GALNT13: variants seen among roughly 807,000 people sequenced by gnomAD.
GALNT13 encodes UDP-GalNAc:polypeptide N-acetylgalactosaminyltransferase 13.
Under a neutral mutation model 64.2 loss-of-function variants are expected in GALNT13, and 28 were observed. That is an observed-to-expected ratio of 0.44 (90% CI 0.32 to 0.60). The LOEUF is 0.60. GALNT13 is among the 20% of genes least tolerant of loss of function. The probability of loss-of-function intolerance (pLI) is 0.05; values close to 1 mark genes in which losing one functional copy is unlikely to be tolerated. For synonymous variants in GALNT13, 214 were observed against 224.6 expected, an observed-to-expected ratio of 0.95 and a Z score of 0.42; for missense variants, 577 against 669.8, an observed-to-expected ratio of 0.86 and a Z score of 1.53.
the GALNT13 span, among the ~76,000 whole-genome samples, chr2:153,629,203 CA>C: frequency 7.6e-6 from 1 of 131,500 alleles, no homozygotes. Flanking sequence ...TCCCCTTTAT[CA>C]TTTTTTTTTT....
intron 4 of GALNT13, among the ~76,000 whole-genome samples, chr2:154,190,391 G>A (rs1686509275): frequency 6.6e-6 from 1 of 152,166 alleles, no homozygotes; most frequent in African/African-American, 2.4e-5. Context: ...TAGAATCACA[G>A]CACTATGTGA....
At chr2:153,861,899 T>C in the GALNT13 span, among the ~76,000 whole-genome samples, 32 of 152,170 alleles carry the variant, frequency 2.1e-4, no homozygotes, top group African/African-American at 7.7e-4. Context: ...AATGGATGCC[T>C]AGAGGCCATG....
At chr2:153,409,445 C>A in the GALNT13 span, among the ~76,000 whole-genome samples, 2 of 150,164 alleles carry the variant, frequency 1.3e-5, no homozygotes, top group African/African-American at 4.9e-5. Flanking sequence ...ATTTTGGTAG[C>A]CTGTATCGTA....
the GALNT13 span, among the ~76,000 whole-genome samples, chr2:153,194,816 A>G: frequency 1.6e-3 from 234 of 150,684 alleles, 4 homozygotes; most frequent in African/African-American, 5.6e-3. Context: ...ACAGTAGTAT[A>G]CTCTCTGTAT....
chr2:153,296,189 A>G, the GALNT13 span, among the ~76,000 whole-genome samples: 2 of 152,140 alleles, frequency 1.3e-5, no homozygotes, highest in African/African-American at 4.8e-5. Context: ...AAACTTGAGG[A>G]AAGAGAATTT....
At position 154,393,860 on chromosome 2, in the gene GALNT13, C is replaced by T. The variant is rs1243733046; in HGVS notation, c.1157-2131C>T. Among the ~76,000 whole-genome samples the T allele has an allele frequency of 5.9e-5, 9 of 151,352 alleles. No individual in the cohort carries two copies. The East Asian group carries it at 1.4e-3, about 23-fold the overall frequency. ...TTGGGAGGCCGAGGCGGGCGGATCA[C>T]GAGGTCAGGAGATCGAGACCATCCC... On this transcript the variant is annotated intron_variant, in intron 9 of 12. Coordinates refer to ENST00000392825, the MANE Select transcript of GALNT13 (RefSeq NM_052917.4).
chr2:154,001,546 C>T (rs1007013550), intron 3 of GALNT13, among the ~76,000 whole-genome samples: 14 of 151,890 alleles, frequency 9.2e-5, no homozygotes, highest in Admixed American at 5.2e-4. Context: ...GAAACTGAAA[C>T]GCAATCTACA....
chr2:153,609,399 A>T, the GALNT13 span, among the ~76,000 whole-genome samples: 2 of 152,182 alleles, frequency 1.3e-5, no homozygotes, highest in South Asian at 4.1e-4. Context: ...ATATCTGACA[A>T]CAACTATTTT....
the GALNT13 span, among the ~76,000 whole-genome samples, chr2:153,107,636 C>G: frequency 6.6e-6 from 1 of 152,052 alleles, no homozygotes; most frequent in Admixed American, 6.6e-5. Flanking sequence ...AAATGGATGG[C>G]CTCAAATCAT....
chr2:153,465,450 C>T, the GALNT13 span, among the ~76,000 whole-genome samples: 1 of 150,930 alleles, frequency 6.6e-6, no homozygotes, highest in Non-Finnish European at 1.5e-5. Flanking sequence ...TAAAATGTTT[C>T]TTTCATTTGA....
the GALNT13 span, among the ~76,000 whole-genome samples, chr2:153,614,956 A>C: frequency 4.6e-5 from 7 of 152,066 alleles, no homozygotes; most frequent in Non-Finnish European, 8.8e-5. Flanking sequence ...TTGTGTTATC[A>C]AATAGTAGGT....
the GALNT13 span, among the ~76,000 whole-genome samples, chr2:153,834,699 A>G: frequency 2.6e-5 from 4 of 152,158 alleles, no homozygotes; most frequent in African/African-American, 9.7e-5. Context: ...GTCACCATTT[A>G]CAACTTCTAT....
chr2:154,353,550 A>G (rs974329548), intron 9 of GALNT13, among the ~76,000 whole-genome samples: 13 of 152,114 alleles, frequency 8.5e-5, no homozygotes, highest in African/African-American at 2.4e-4. Context: ...GCTACTTTGT[A>G]TTCGTTGGTA....
chr2:154,060,122 A>G (rs1215842030), intron 3 of GALNT13, among the ~76,000 whole-genome samples: 1 of 152,194 alleles, frequency 6.6e-6, no homozygotes, highest in Admixed American at 6.5e-5. Flanking sequence ...TATATGAGTG[A>G]ACATTTGCAA....
At chr2:154,427,414 A>G (rs1315342252) in intron 11 of GALNT13, among the ~76,000 whole-genome samples, 1 of 152,212 alleles carries the variant, frequency 6.6e-6, no homozygotes, top group Non-Finnish European at 1.5e-5. Context: ...GAATGTATGA[A>G]GACTTTAAGG....
At chr2:153,854,749 A>C in the GALNT13 span, among the ~76,000 whole-genome samples, 5 of 152,312 alleles carry the variant, frequency 3.3e-5, no homozygotes, top group Admixed American at 6.5e-5. Context: ...TCCACAAATT[A>C]ATTTATGGTT....
intron 4 of GALNT13, among the ~76,000 whole-genome samples, chr2:154,179,362 A>G (rs1266327398): frequency 4.6e-5 from 7 of 152,218 alleles, no homozygotes; most frequent in African/African-American, 7.2e-5. Context: ...ATGAATCTGC[A>G]TGTGAAATAT....
Position 154,402,872 on chromosome 2 carries a change from T to G in GALNT13, c.1297-6112T>G, listed in dbSNP as rs1197879579. ...AGGTGTTCTTAGAAAAGTTCTGATT[T>G]TAAAATTATACATGATCATCCTAAA... On this transcript the variant is annotated intron_variant, in intron 10 of 12. Coordinates refer to ENST00000392825, the MANE Select transcript of GALNT13 (RefSeq NM_052917.4). Among the ~76,000 whole-genome samples the G allele has an allele frequency of 1.1e-4, 17 of 152,192 alleles. No homozygotes were observed. The South Asian group carries it at 1.7e-3, about 15-fold the overall frequency.
chr2:153,757,514 A>G, the GALNT13 span, among the ~76,000 whole-genome samples: 1 of 152,150 alleles, frequency 6.6e-6, no homozygotes, highest in Non-Finnish European at 1.5e-5. Flanking sequence ...CAAATCCTTT[A>G]GATATACTAG....
Sources: allele counts gnomAD v4.1 joint callset (sites outside exome capture counted in the v4.1 genomes callset), GRCh38; gene constraint gnomAD v4.1.1; transcripts MANE v1.5; gene names NCBI Gene and HGNC (gene_info 2026-07-23, HGNC 2026-07-21).